The following PARD3 variants were observed in gnomAD, a reference collection of about 807,000 sequenced individuals.
PARD3 encodes the protein partitioning defective 3 homolog.
Under a neutral mutation model 155.4 loss-of-function variants are expected in PARD3, and 75 were observed. The ratio of observed to expected loss-of-function variants is 0.48; its 90% CI spans 0.40 to 0.58. PARD3 has a LOEUF of 0.58. Among genes scored for constraint, PARD3 ranks in the 20% least tolerant of loss-of-function variants. The probability of loss-of-function intolerance (pLI) is 0.00; values close to 1 mark genes in which losing one functional copy is unlikely to be tolerated. For synonymous variants in PARD3, 576 were observed against 610.5 expected (o/e 0.94, Z 0.83); for missense variants, 1,642 against 1,721.7 (o/e 0.95, Z 0.82).
Position 34,667,871 on chromosome 10 carries a change from G to A in PARD3, c.222+28447C>T, listed in dbSNP as rs78011988. On this transcript the variant is annotated intron_variant, in intron 2 of 24. Coordinates refer to ENST00000374788, the MANE Select transcript of PARD3 (RefSeq NM_001184785.2). ...ATCATGCTAAGCTCCATTCTCCTCC[G>A]TGCAGCCTGAAGGAGAAACCATCTG... Among the ~76,000 whole-genome samples the A allele has an allele frequency of 7.6e-4, 116 of 152,216 alleles. No individual in the cohort carries two copies. In the East Asian group the frequency reaches 0.015, roughly 20 times the overall value.
At chr10:34,395,129 G>A (rs1016737887) in intron 7 of PARD3, among the ~76,000 whole-genome samples, 7 of 152,072 alleles carry the variant, frequency 4.6e-5, no homozygotes, top group Non-Finnish European at 8.8e-5. Context: ...CTATCTCCTG[G>A]GTTCAAGCAA....
chr10:34,128,126 A>G (rs1947385561), intron 23 of PARD3, among the ~76,000 whole-genome samples: 1 of 152,178 alleles, frequency 6.6e-6, no homozygotes, highest in African/African-American at 2.4e-5. Flanking sequence ...TTACACCTGG[A>G]TGCTGATCCC....
chr10:34,626,140 A>G (rs550675861), intron 2 of PARD3, among the ~76,000 whole-genome samples: 7 of 152,302 alleles, frequency 4.6e-5, no homozygotes, highest in East Asian at 1.9e-4. Flanking sequence ...CTCTTCCCCA[A>G]AAAGAAAGGA....
intron 22 of PARD3, among the ~76,000 whole-genome samples, chr10:34,236,560 TG>T (rs1357597099): frequency 1.8e-4 from 27 of 152,194 alleles, no homozygotes; most frequent in African/African-American, 6.0e-4. Context: ...GTTGCGCTAC[TG>T]TTGTTTTTCC....
intron 1 of PARD3, among the ~76,000 whole-genome samples, chr10:34,704,679 G>A (rs1468470060): frequency 6.6e-6 from 1 of 152,144 alleles, no homozygotes; most frequent in Non-Finnish European, 1.5e-5. Flanking sequence ...CCCAAAGAAG[G>A]CTCTGCTCTT....
chr10:34,418,934 C>T (rs1003640894), intron 5 of PARD3, among the ~76,000 whole-genome samples: 1 of 121,790 alleles, frequency 8.2e-6, no homozygotes, highest in African/African-American at 6.9e-5. Context: ...CCATAACAGG[C>T]TAATTTTTGT....
intron 2 of PARD3, among the ~76,000 whole-genome samples, chr10:34,674,039 T>C (rs1191427374): frequency 2.6e-5 from 4 of 151,052 alleles, no homozygotes; most frequent in African/African-American, 9.7e-5. Flanking sequence ...ACTTGTTACA[T>C]ATTCTTAGCA....
intron 5 of PARD3, among the ~76,000 whole-genome samples, chr10:34,426,250 C>T (rs1425161528): frequency 6.6e-6 from 1 of 152,118 alleles, no homozygotes; most frequent in Non-Finnish European, 1.5e-5. Context: ...GCCTGCTTTA[C>T]CTACAAGATC....
intron 2 of PARD3, among the ~76,000 whole-genome samples, chr10:34,629,347 T>C (rs1795368999): frequency 6.6e-6 from 1 of 152,198 alleles, no homozygotes; most frequent in Admixed American, 6.5e-5. Flanking sequence ...TTATAGCCCT[T>C]GACAAGAAAC....
chr10:34,655,315 C>A (rs1428712334), intron 2 of PARD3, among the ~76,000 whole-genome samples: 1 of 151,972 alleles, frequency 6.6e-6, no homozygotes, highest in Non-Finnish European at 1.5e-5. Flanking sequence ...TCACAATGCA[C>A]CTGTTTGTCT....
chr10:34,380,184 C>T (rs1589372338), intron 9 of PARD3, among the ~76,000 whole-genome samples: 1 of 152,190 alleles, frequency 6.6e-6, no homozygotes, highest in East Asian at 1.9e-4. Flanking sequence ...CAGCATTCTT[C>T]CCCACATTTA....
rs573299708 is a variant in PARD3, at chr10:34,646,129, T to C, written c.222+50189A>G. On this transcript the variant is annotated intron_variant, in intron 2 of 24. Coordinates refer to ENST00000374788, the MANE Select transcript of PARD3 (RefSeq NM_001184785.2). Reference sequence around the variant, plus strand: ...ATATATGGTTATCATATGTAACCACTCACAGTCAAATAAATTGTTTTACCT... The same window carrying C: ...ATATATGGTTATCATATGTAACCACCCACAGTCAAATAAATTGTTTTACCT... 2.6e-5 allele frequency among the ~76,000 whole-genome samples: 4 copies of C among 152,332 alleles called. No individual in the cohort carries two copies. The South Asian group carries it at 8.3e-4, about 32-fold the overall frequency.
At chr10:34,785,273 CAAA>C (rs1840812206) in intron 1 of PARD3, among the ~76,000 whole-genome samples, 1 of 152,144 alleles carries the variant, frequency 6.6e-6, no homozygotes, top group African/African-American at 2.4e-5. Context: ...TTTCAAATCT[CAAA>C]AAACCTCAAT....
At chr10:34,216,180 C>A (rs1309761496) in intron 22 of PARD3, among the ~76,000 whole-genome samples, 1 of 152,154 alleles carries the variant, frequency 6.6e-6, no homozygotes, top group African/African-American at 2.4e-5. Context: ...TGTCCTGCTA[C>A]CCAGCTCAAT....
chr10:34,606,965 TAAAAAAA>T (rs531578595), intron 2 of PARD3, among the ~76,000 whole-genome samples: 13 of 114,822 alleles, frequency 1.1e-4, no homozygotes, highest in Admixed American at 2.0e-4. Flanking sequence ...GACTCTGTCT[TAAAAAAA>T]AAAAAAAAAA....
rs926757932 is a variant in PARD3 at position 34,240,825 on chromosome 10, T to A, written c.3419+28832A>T. Among the ~76,000 whole-genome samples the A allele has an allele frequency of 2.0e-5, 3 of 151,924 alleles. No homozygotes were observed. In the East Asian group the frequency reaches 5.8e-4, roughly 30 times the overall value. On this transcript the variant is annotated intron_variant, in intron 22 of 24. Transcript: ENST00000374788. ...TCCCACCAAGCAGAGCTCAAAACTA[T>A]AGAGAGAAGGACCTCGAGCAGACAA...
intron 2 of PARD3, among the ~76,000 whole-genome samples, chr10:34,670,177 G>A (rs80253520): frequency 0.019 from 2,885 of 152,300 alleles, 95 homozygotes; most frequent in African/African-American, 0.066. Flanking sequence ...AGCATTTGGC[G>A]GCTAGCCTCC....
intron 5 of PARD3, among the ~76,000 whole-genome samples, chr10:34,436,433 TACA>T (rs914867749): frequency 6.6e-6 from 1 of 152,220 alleles, no homozygotes; most frequent in African/African-American, 2.4e-5. Flanking sequence ...ATAGACTGCA[TACA>T]ACATCATGTC....
chr10:34,217,901 G>A (rs754300905), intron 22 of PARD3, among the ~76,000 whole-genome samples: 1 of 152,028 alleles, frequency 6.6e-6, no homozygotes, highest in Admixed American at 6.6e-5. Context: ...AGATATTGAC[G>A]GATACCTTAA....
Sources: allele counts gnomAD v4.1 joint callset (sites outside exome capture counted in the v4.1 genomes callset), GRCh38; gene constraint gnomAD v4.1.1; transcripts MANE v1.5; gene names NCBI Gene and HGNC (gene_info 2026-07-23, HGNC 2026-07-21).